CELF2: variants seen among roughly 807,000 people sequenced by gnomAD.
CELF2 encodes CUGBP Elav-like family member 2.
Under a neutral mutation model 62.6 loss-of-function variants are expected in CELF2, and 8 were observed. The observed-to-expected ratio is 0.13, with a 90% CI of 0.07 to 0.23. CELF2 has a LOEUF of 0.23. Ranked by LOEUF, CELF2 falls within the 10% of genes least tolerant of loss-of-function variation. The probability of loss-of-function intolerance (pLI) is 1.00; values close to 1 mark genes in which losing one functional copy is unlikely to be tolerated. For synonymous variants in CELF2, 258 were observed against 250.0 expected, an observed-to-expected ratio of 1.03 and a Z score of -0.30; for missense variants, 333 against 671.0, an observed-to-expected ratio of 0.50 and a Z score of 5.56.
intron 2 of CELF2, among the ~76,000 whole-genome samples, chr10:11,181,709 A>G (rs75516529): frequency 0.014 from 2,089 of 152,316 alleles, 50 homozygotes; most frequent in African/African-American, 0.047. Context: ...CGCATTTGTC[A>G]TCTCTAACTC....
At position 11,331,938 on chromosome 10, in the gene CELF2, T is replaced by C. The variant is rs945045103; in HGVS notation, c.*2885T>C. The C allele has an allele frequency of 2.6e-5, 4 of 152,394 alleles. No individual in the cohort carries two copies. In the East Asian group the frequency reaches 5.8e-4, roughly 22 times the overall value. 9.4% of individuals were successfully genotyped at this position (152,394 alleles called of 1,614,324 possible). ...GGGGTGTTTCCAATTTGGATTTTTT[T>C]CCCTGCATCTATCCTCTAAGTTGTT... On this transcript the variant is annotated 3_prime_UTR_variant, in exon 13 of 13. Coordinates refer to ENST00000633077, the MANE Select transcript of CELF2 (RefSeq NM_001326342.2).
chr10:11,185,010 G>A (rs2074456746), intron 2 of CELF2, among the ~76,000 whole-genome samples: 1 of 152,068 alleles, frequency 6.6e-6, no homozygotes, highest in African/African-American at 2.4e-5. Context: ...TAATGTATAG[G>A]TTTTTCACAA....
At chr10:10,724,486 T>C in the CELF2 span, among the ~76,000 whole-genome samples, 249 of 151,978 alleles carry the variant, frequency 1.6e-3, no homozygotes, top group African/African-American at 5.7e-3. Context: ...AAACCCCATC[T>C]CTATTAAAAA....
chr10:10,574,191 A>G, the CELF2 span, among the ~76,000 whole-genome samples: 1 of 152,202 alleles, frequency 6.6e-6, no homozygotes, highest in Non-Finnish European at 1.5e-5. Context: ...GATGGTAAAG[A>G]ACTTTGAAAG....
At chr10:10,733,554 C>T in the CELF2 span, among the ~76,000 whole-genome samples, 4 of 151,982 alleles carry the variant, frequency 2.6e-5, no homozygotes, top group Admixed American at 6.6e-5. Context: ...AAGACATACC[C>T]GAGACTGAGC....
the CELF2 span, among the ~76,000 whole-genome samples, chr10:10,563,272 G>A: frequency 6.6e-6 from 1 of 152,092 alleles, no homozygotes; most frequent in African/African-American, 2.4e-5. Context: ...CAAGGGGTAG[G>A]GTGGGAGGAT....
At chr10:10,977,949 T>G (rs1171657441) in intron 2 of CELF2, among the ~76,000 whole-genome samples, 1 of 152,090 alleles carries the variant, frequency 6.6e-6, no homozygotes, top group Non-Finnish European at 1.5e-5. Context: ...GCACAGTAAA[T>G]GTTAGCTCTT....
chr10:11,047,816 A>G (rs986972078), intron 1 of CELF2, among the ~76,000 whole-genome samples: 1 of 152,142 alleles, frequency 6.6e-6, no homozygotes, highest in Non-Finnish European at 1.5e-5. Flanking sequence ...TATGTTGCCT[A>G]TATTTAGACA....
At chr10:10,534,422 A>G in the CELF2 span, among the ~76,000 whole-genome samples, 1 of 152,180 alleles carries the variant, frequency 6.6e-6, no homozygotes, top group Non-Finnish European at 1.5e-5. Flanking sequence ...AGAGAGAAAG[A>G]AATTGATAGA....
chr10:10,623,037 G>A, the CELF2 span, among the ~76,000 whole-genome samples: 5 of 132,966 alleles, frequency 3.8e-5, no homozygotes, highest in African/African-American at 1.4e-4. Flanking sequence ...AGTGAGCCGA[G>A]ATTGCGCCAC....
At chr10:10,487,738 A>T in the CELF2 span, among the ~76,000 whole-genome samples, 35 of 152,186 alleles carry the variant, frequency 2.3e-4, no homozygotes, top group Middle Eastern at 3.2e-3. Flanking sequence ...ATCCACATTT[A>T]TACCAAATTA....
At chr10:11,081,399 C>T (rs1034868709) in intron 1 of CELF2, among the ~76,000 whole-genome samples, 1 of 152,146 alleles carries the variant, frequency 6.6e-6, no homozygotes, top group Admixed American at 6.5e-5. Context: ...CATCCAAGTT[C>T]TCTAAGTCAT....
chr10:11,265,953 G>C (rs2082093109), intron 5 of CELF2, among the ~76,000 whole-genome samples: 1 of 152,216 alleles, frequency 6.6e-6, no homozygotes, highest in South Asian at 2.1e-4. Flanking sequence ...TATTCTCGGA[G>C]TAATGGAGCA....
chr10:11,155,987 A>G (rs1365416257), intron 1 of CELF2, among the ~76,000 whole-genome samples: 1 of 152,238 alleles, frequency 6.6e-6, no homozygotes, highest in East Asian at 1.9e-4. Context: ...GAATGGACAG[A>G]TAATCAGCAT....
the CELF2 span, among the ~76,000 whole-genome samples, chr10:10,543,666 G>C: frequency 6.6e-6 from 1 of 152,028 alleles, no homozygotes; most frequent in African/African-American, 2.4e-5. Flanking sequence ...GGGCAACATG[G>C]AGAAACCTCA....
intron 4 of CELF2, among the ~76,000 whole-genome samples, chr10:11,256,414 T>C (rs1336988091): frequency 6.6e-6 from 1 of 152,050 alleles, no homozygotes; most frequent in African/African-American, 2.4e-5. Flanking sequence ...ACACTTCCTG[T>C]CCGGGGTAGG....
intron 1 of CELF2, among the ~76,000 whole-genome samples, chr10:10,852,554 C>A (rs147305249): frequency 6.6e-6 from 1 of 152,082 alleles, no homozygotes; most frequent in Non-Finnish European, 1.5e-5. Flanking sequence ...CAATCCTACA[C>A]GTGTGGCAAA....
intron 1 of CELF2, among the ~76,000 whole-genome samples, chr10:11,073,008 A>G (rs941156131): frequency 6.6e-6 from 1 of 151,850 alleles, no homozygotes; most frequent in African/African-American, 2.4e-5. Context: ...CACAAATCAC[A>G]CTCTTATTGT....
the CELF2 span, among the ~76,000 whole-genome samples, chr10:10,639,626 T>C: frequency 2.0e-5 from 3 of 152,226 alleles, no homozygotes; most frequent in Admixed American, 2.0e-4. Context: ...TTCAAAAACA[T>C]TGTTGAAATG....
Sources: gnomAD v4.1 joint callset for allele counts (sites outside exome capture counted in the v4.1 genomes callset) on GRCh38, gnomAD v4.1.1 for gene constraint, MANE v1.5 for transcripts, NCBI Gene and HGNC (gene_info 2026-07-23, HGNC 2026-07-21) for gene names.